TBCD: variants seen among roughly 807,000 people sequenced by gnomAD.
TBCD encodes tubulin-specific chaperone D.
Under a neutral mutation model 169.3 loss-of-function variants are expected in TBCD, and 105 were observed. The ratio of observed to expected loss-of-function variants is 0.62; its 90% CI spans 0.53 to 0.73. TBCD has a LOEUF of 0.73. Ranked by LOEUF, TBCD falls within the 30% of genes least tolerant of loss-of-function variation. The pLI, the probability that TBCD is intolerant of heterozygous loss-of-function variation, is 0.00. For synonymous variants in TBCD, 700 were observed against 643.9 expected, an observed-to-expected ratio of 1.09 and a Z score of -1.32; for missense variants, 1,444 against 1,600.1, an observed-to-expected ratio of 0.90 and a Z score of 1.66.
Position 82,889,845 on chromosome 17 carries a change from G to A in TBCD, c.1563+148G>A, listed in dbSNP as rs1268210459. The A allele has an allele frequency of 1.1e-5, 10 of 875,784 alleles. No homozygotes were observed. Among genetic ancestry groups the A allele is most frequent in the East Asian group, 5.3e-5 (2 of 37,502 alleles). 54.3% of individuals were successfully genotyped at this position (875,784 alleles called of 1,614,324 possible). On this transcript the variant is annotated intron_variant, in intron 16 of 38. Transcript: ENST00000355528. This position sits in a 1 kb window ranked among gnomAD's most constrained non-coding sequence, Gnocchi z 5.3. ...CAGGGTCATGAGTTCACTATAGGACGCACATGTTAAACAGCGAGTCCTGTT... is the reference window on the plus strand; with the variant it reads ...CAGGGTCATGAGTTCACTATAGGACACACATGTTAAACAGCGAGTCCTGTT...
At position 82,782,191 on chromosome 17, in the gene TBCD, C is replaced by T. The variant is rs1487011334; in HGVS notation, c.771+470C>T. Among the ~76,000 whole-genome samples, 2 of 152,244 alleles carry T rather than the reference C, an allele frequency of 1.3e-5. No individual in the cohort carries two copies. Among genetic ancestry groups the T allele is most frequent in the Non-Finnish European group, 2.9e-5 (2 of 68,046 alleles). On this transcript the variant is annotated intron_variant, in intron 7 of 38. Transcript: ENST00000355528. The surrounding 1 kb of genome is among the most constrained non-coding windows in gnomAD (Gnocchi z 5.1). ...AGGTGCCTGGTTAGTGCCCTGGCTG[C>T]AGCCCTTTGCCAGCCCTTTCCCTGC...
chr17:82,859,694 G>C, intron 13 of TBCD: 3 of 985,468 alleles, frequency 3.0e-6, no homozygotes, highest in Non-Finnish European at 3.6e-6. Context: ...GGAGGCCAGG[G>C]CTTGCCCGCC....
rs535565721 is a variant in TBCD at position 82,764,024 on chromosome 17, G to A, written c.295G>A (p.Val99Ile). 2 of 1,613,906 alleles carry A rather than the reference G, an allele frequency of 1.2e-6. No homozygotes were observed. Among genetic ancestry groups the A allele is most frequent in the South Asian group, 2.2e-5 (2 of 91,050 alleles). The change falls in exon 3 of 39, where the codon GTA (valine) becomes ATA (isoleucine). Residue 99 changes from valine (V) to isoleucine (I), a missense_variant. By Grantham distance (29) the Val-to-Ile change is conservative. Coordinates refer to ENST00000355528, the MANE Select transcript of TBCD (RefSeq NM_005993.5). ...VQDQTSPASLVHLAFKFLYII... is the reference protein window; with the variant it reads ...VQDQTSPASLIHLAFKFLYII... Reference sequence around the variant, plus strand: ...AGATCAGACATCTCCAGCTTCCCTTGTACATCTGGCTTTTAAATTTCTTTA... The same window carrying A: ...AGATCAGACATCTCCAGCTTCCCTTATACATCTGGCTTTTAAATTTCTTTA...
chr17:82,887,038 T>A (rs1707289424), intron 15 of TBCD, among the ~76,000 whole-genome samples: 2 of 151,476 alleles, frequency 1.3e-5, no homozygotes, highest in African/African-American at 4.9e-5. Flanking sequence ...GCCTCCATGA[T>A]GAAATCTGGC....
chr17:82,935,565 CT>C (rs1440095088), intron 34 of TBCD, among the ~76,000 whole-genome samples: 1 of 147,508 alleles, frequency 6.8e-6, no homozygotes, highest in Non-Finnish European at 1.5e-5. Context: ...GGACATTTTA[CT>C]TTTTTCTGTT....
At chr17:82,842,101 C>T (rs752133723) in intron 13 of TBCD, among the ~76,000 whole-genome samples, 8 of 152,280 alleles carry the variant, frequency 5.3e-5, no homozygotes, top group Non-Finnish European at 1.2e-4. Context: ...AGGGCTCCAC[C>T]TCTCAGCGGC....
chr17:82,767,698 T>A (rs2048084965), intron 4 of TBCD, among the ~76,000 whole-genome samples: 1 of 152,142 alleles, frequency 6.6e-6, no homozygotes, highest in Non-Finnish European at 1.5e-5. Context: ...GGCTCGTGCC[T>A]GTAATCCCAG....
At chr17:82,834,684 AG>A (rs2053815908) in intron 13 of TBCD, among the ~76,000 whole-genome samples, 1 of 135,348 alleles carries the variant, frequency 7.4e-6, no homozygotes, top group Non-Finnish European at 1.6e-5. Flanking sequence ...ACATGGACAC[AG>A]GGAGGGGAAC....
intron 21 of TBCD, among the ~76,000 whole-genome samples, 176 bp downstream of exon 21, chr17:82,907,997 G>A (rs1023758692): frequency 2.6e-5 from 4 of 152,236 alleles, no homozygotes; most frequent in African/African-American, 9.6e-5. Flanking sequence ...CTCTGCTGGC[G>A]TCATGCTTGT....
chr17:82,768,365 C>T (rs1463694011), intron 4 of TBCD, 55 bp from the exon 5 acceptor site: 1 of 1,605,226 alleles, frequency 6.2e-7, no homozygotes, highest in Non-Finnish European at 8.5e-7. Context: ...AGATTGTGGC[C>T]AGTGGCCTGT....
chr17:82,820,687 C>T (rs2145049678), intron 13 of TBCD, among the ~76,000 whole-genome samples: 1 of 152,198 alleles, frequency 6.6e-6, no homozygotes, highest in African/African-American at 2.4e-5. Flanking sequence ...TGTTAATACA[C>T]ATGTTGGTAC....
At chr17:82,790,073 G>A (rs772787187) in intron 7 of TBCD, among the ~76,000 whole-genome samples, 5 of 152,126 alleles carry the variant, frequency 3.3e-5, no homozygotes, top group Non-Finnish European at 7.3e-5. Context: ...ACCCTGTCCT[G>A]GGGGTCCTTG....
At position 82,789,332 on chromosome 17, in the gene TBCD, A is replaced by G. The variant is rs2049531841; in HGVS notation, c.771+7611A>G. Among the ~76,000 whole-genome samples, 2 of 152,202 alleles carry G rather than the reference A, an allele frequency of 1.3e-5. No individual in the cohort carries two copies. The highest frequency in any genetic ancestry group is 2.4e-5 in the African/African-American group (1 of 41,454). On this transcript the variant is annotated intron_variant, in intron 7 of 38. Coordinates refer to ENST00000355528, the MANE Select transcript of TBCD (RefSeq NM_005993.5). The surrounding 1 kb of genome is among the most constrained non-coding windows in gnomAD (Gnocchi z 4.8). Reference sequence around the variant, plus strand: ...GTGAGCCGCACGCCTTTGAGTCCCCATCAGCCCTGGCCCATCCCTGCTGAG... The same window carrying G: ...GTGAGCCGCACGCCTTTGAGTCCCCGTCAGCCCTGGCCCATCCCTGCTGAG...
At chr17:82,905,261 AGT>A (rs1190087059) in intron 19 of TBCD, among the ~76,000 whole-genome samples, 3 of 152,184 alleles carry the variant, frequency 2.0e-5, no homozygotes, top group Non-Finnish European at 2.9e-5. Flanking sequence ...AGGCCTGGGG[AGT>A]GTGTCGTCCT....
At chr17:82,868,326 C>T (rs1643974774) in intron 13 of TBCD, among the ~76,000 whole-genome samples, 1 of 152,016 alleles carries the variant, frequency 6.6e-6, no homozygotes, top group South Asian at 2.1e-4. Flanking sequence ...GGGGTGGGCC[C>T]CTGCCTGGAG....
At chr17:82,865,524 G>GCTGT (rs2057107364) in intron 13 of TBCD, 2 of 985,358 alleles carry the variant, frequency 2.0e-6, no homozygotes, top group Admixed American at 6.1e-5. Flanking sequence ...GGTGTGGCGG[G>GCTGT]CTGTCTGTGC....
intron 13 of TBCD, among the ~76,000 whole-genome samples, chr17:82,844,822 A>G (rs74002582): frequency 0.037 from 5,666 of 152,156 alleles, 357 homozygotes; most frequent in African/African-American, 0.13. Flanking sequence ...GTGGCAGCTG[A>G]TGTTTCTTGC....
chr17:82,927,100 G>A, intron 28 of TBCD, 86 bp from the exon 29 acceptor site: 1 of 1,573,920 alleles, frequency 6.4e-7, no homozygotes, highest in Non-Finnish European at 8.7e-7. Flanking sequence ...GTCTTCTCAG[G>A]ATCAGGAACA....
intron 13 of TBCD, chr17:82,829,929 C>T (rs2053324854): frequency 1.3e-6 from 1 of 760,008 alleles, no homozygotes; most frequent in Non-Finnish European, 2.1e-6. Flanking sequence ...GGTGTTTTTA[C>T]AACCAAAAGT....
Sources: allele counts gnomAD v4.1 joint callset (sites outside exome capture counted in the v4.1 genomes callset), GRCh38; gene constraint gnomAD v4.1.1; non-coding constraint Gnocchi (gnomAD v3.1); transcripts MANE v1.5; gene names NCBI Gene and HGNC (gene_info 2026-07-23, HGNC 2026-07-21).